NAALADL1: variants seen among roughly 807,000 people sequenced by gnomAD.
The protein encoded by NAALADL1 is N-acetylated alpha-linked acidic dipeptidase like 1.
Under a neutral mutation model 82.8 loss-of-function variants are expected in NAALADL1, and 77 were observed. The ratio of observed to expected loss-of-function variants is 0.93; its 90% CI spans 0.77 to 1.12. The LOEUF is 1.12. NAALADL1 is among the 50% of genes most tolerant of loss of function. NAALADL1 has a pLI of 0.00. For synonymous variants in NAALADL1, 358 were observed against 399.2 expected (o/e 0.90, Z 1.23); for missense variants, 956 against 964.0 (o/e 0.99, Z 0.11).
At chr11:65,046,709 A>G (rs559937263) in intron 13 of NAALADL1, among the ~76,000 whole-genome samples, 183 bp from the exon 14 acceptor site, 1 of 152,252 alleles carries the variant, frequency 6.6e-6, no homozygotes, top group East Asian at 1.9e-4. Flanking sequence ...CTGATATCAC[A>G]TAGCTAATTA....
rs1327087707 is a variant in NAALADL1, at chr11:65,058,218, C to CT, written c.217dup (p.Ser73LysfsTer5). On this transcript the variant is annotated frameshift_variant, in exon 2 of 18. Coordinates refer to ENST00000358658, the MANE Select transcript of NAALADL1 (RefSeq NM_005468.3). LOFTEE classifies it high-confidence loss of function. ...CTGCACCAGGTCCTCATCCCGAGGG[C>CT]TGGAGGCCAGGTGTGGCTCCCTGGA... 9.3e-6 allele frequency: 15 copies of CT among 1,613,550 alleles called. No homozygotes were observed. The highest frequency in any genetic ancestry group is 1.3e-5 in the African/African-American group (1 of 74,932).
At chr11:65,047,892 TC>T in intron 11 of NAALADL1, 88 bp downstream of exon 11, 1 of 1,367,798 alleles carries the variant, frequency 7.3e-7, no homozygotes, top group Non-Finnish European at 1.0e-6. Context: ...AGAGTACCAC[TC>T]CCCAGCCCCG....
chr11:65,046,925 A>G (rs1026023298), intron 13 of NAALADL1, among the ~76,000 whole-genome samples: 5 of 152,130 alleles, frequency 3.3e-5, no homozygotes, highest in Non-Finnish European at 4.4e-5. Context: ...CTTCATGCCA[A>G]CGCTCACGCC....
At chr11:65,046,418 C>T (rs1326036275) in intron 14 of NAALADL1, 27 bp downstream of exon 14, 4 of 1,614,078 alleles carry the variant, frequency 2.5e-6, no homozygotes, top group African/African-American at 2.7e-5. Context: ...GTCCTGGTCT[C>T]AGGATGCCCC....
upstream of NAALADL1, among the ~76,000 whole-genome samples, chr11:65,059,272 A>C (rs1041478095): frequency 3.0e-4 from 46 of 152,122 alleles, no homozygotes; most frequent in Non-Finnish European, 6.0e-4. Flanking sequence ...TCAGCCTCCC[A>C]AAGTGCTGGG....
At chr11:65,056,388 T>TTTTG (rs1010718022) in intron 4 of NAALADL1, among the ~76,000 whole-genome samples, 1 of 151,958 alleles carries the variant, frequency 6.6e-6, no homozygotes, top group Non-Finnish European at 1.5e-5. Flanking sequence ...TTTATATTAA[T>TTTTG]TTTGTTTGTT....
intron 13 of NAALADL1, among the ~76,000 whole-genome samples, chr11:65,047,074 T>C (rs544335984): frequency 5.9e-4 from 89 of 151,646 alleles, no homozygotes; most frequent in African/African-American, 2.0e-3. Flanking sequence ...TTTTTTTTCC[T>C]TTCCTGAATA....
upstream of NAALADL1, among the ~76,000 whole-genome samples, chr11:65,059,571 G>T (rs1017089491): frequency 6.6e-6 from 1 of 152,204 alleles, no homozygotes. Flanking sequence ...ATGCCTCCCT[G>T]GCGAGGTGAC....
At chr11:65,058,271 G>A (rs559028854) in intron 1 of NAALADL1, 21 bp from the exon 2 acceptor site, 1 of 1,613,670 alleles carries the variant, frequency 6.2e-7, no homozygotes, top group South Asian at 1.1e-5. Flanking sequence ...GGCAGAGGGA[G>A]GGGCAGGGCC....
At chr11:65,052,533 C>T (rs1255196376) in intron 8 of NAALADL1, among the ~76,000 whole-genome samples, 15 of 152,096 alleles carry the variant, frequency 9.9e-5, no homozygotes, top group Non-Finnish European at 1.8e-4. Context: ...AGGCTGGTCT[C>T]GAACTCCTGA....
chr11:65,058,664 G>T (rs1189972477), upstream of NAALADL1: 2 of 765,166 alleles, frequency 2.6e-6, no homozygotes, highest in East Asian at 2.8e-5. Flanking sequence ...GGAACATCCC[G>T]CAGTGAGAGC....
intron 11 of NAALADL1, 82 bp downstream of exon 11, chr11:65,047,899 C>T: frequency 8.9e-7 from 1 of 1,118,870 alleles, no homozygotes; most frequent in East Asian, 2.6e-5. Flanking sequence ...CACTCCCCAG[C>T]CCCGCCCACC....
rs35124799 is a variant in NAALADL1 at position 65,045,385 on chromosome 11, G to A, written c.2109C>T (p.Ala703=). 111,775 of 1,612,430 alleles carry A rather than the reference G, an allele frequency of 0.069. 5,170 individuals carry two copies. The highest frequency in any genetic ancestry group is 0.19 in the South Asian group (17,572 of 90,764). The change falls in exon 18 of 18, where the codon GCC becomes GCT. Residue 703 remains alanine, a synonymous_variant. Coordinates refer to ENST00000358658, the MANE Select transcript of NAALADL1 (RefSeq NM_005468.3). ...CTTCAGATCCAGAAGCTGTGTCCCTGGCCCTGGAGCAGGCATTGGATAGGC... is the reference window on the plus strand; with the variant it reads ...CTTCAGATCCAGAAGCTGTGTCCCTAGCCCTGGAGCAGGCATTGGATAGGC... ...FPGLSNACSR[A]RDTASGSEAW...
chr11:65,059,517 C>G (rs1375985474), upstream of NAALADL1, among the ~76,000 whole-genome samples: 2 of 152,186 alleles, frequency 1.3e-5, no homozygotes, highest in African/African-American at 4.8e-5. Context: ...GAATGGGAGT[C>G]CTGGGAAGGG....
rs1234047866 is a variant in NAALADL1 at position 65,044,884 on chromosome 11, G to A, written c.*387C>T. The A allele has an allele frequency of 2.3e-6, 2 of 854,222 alleles. No homozygotes were observed. Among genetic ancestry groups the A allele is most frequent in the Admixed American group, 2.9e-5 (1 of 34,400 alleles). The allele number at this position is 854,222 out of a possible 1,614,324, so 52.9% of individuals were successfully genotyped here. On this transcript the variant is annotated 3_prime_UTR_variant, in exon 18 of 18. Transcript: ENST00000358658. This position sits in a 1 kb window ranked among gnomAD's most constrained non-coding sequence, Gnocchi z 4.0. ...CTGTTGTAGGGAGTTAGGATACACA[G>A]CATGCAGGGAGAGGAACGCAGACTA...
chr11:65,059,227 G>A (rs1391685820), upstream of NAALADL1, among the ~76,000 whole-genome samples: 1 of 152,092 alleles, frequency 6.6e-6, no homozygotes, highest in African/African-American at 2.4e-5. Flanking sequence ...TGGCCAGGCT[G>A]GTCTCAAACT....
intron 8 of NAALADL1, among the ~76,000 whole-genome samples, chr11:65,051,492 C>A (rs114987711): frequency 6.6e-6 from 1 of 151,590 alleles, no homozygotes; most frequent in Admixed American, 6.6e-5. Context: ...CATGTCACCA[C>A]GCCTGGCTAT....
intron 12 of NAALADL1, 23 bp downstream of exon 12, chr11:65,047,623 GC>G: frequency 1.3e-6 from 2 of 1,589,910 alleles, no homozygotes; most frequent in East Asian, 2.3e-5. Context: ...CTCGCTCCGG[GC>G]CCCCTTCTGT....
chr11:65,045,297 T>TGGCTGCCGCACCCTCCAGGGC lies in NAALADL1; in HGVS notation c.2176_2196dup (p.Ala726_Ala732dup). The TGGCTGCCGCACCCTCCAGGGC allele has an allele frequency of 1.2e-6, 2 of 1,608,032 alleles. No individual in the cohort carries two copies. Among genetic ancestry groups the TGGCTGCCGCACCCTCCAGGGC allele is most frequent in the Non-Finnish European group, 1.7e-6 (2 of 1,176,436 alleles). ...CAGAGGTCAGCCACAGGCCTCAGGGTGGCTGCCGCACCCTCCAGGGCTGTC... is the reference window on the plus strand; with the variant it reads ...CAGAGGTCAGCCACAGGCCTCAGGGTGGCTGCCGCACCCTCCAGGGCGGCTGCCGCACCCTCCAGGGCTGTC... On this transcript the variant is annotated inframe_insertion, in exon 18 of 18. Transcript: ENST00000358658.
Sources: allele counts gnomAD v4.1 joint callset (sites outside exome capture counted in the v4.1 genomes callset), GRCh38; gene constraint gnomAD v4.1.1; non-coding constraint Gnocchi (gnomAD v3.1); transcripts MANE v1.5; gene names NCBI Gene and HGNC (gene_info 2026-07-23, HGNC 2026-07-21).